SMCHD1: variants seen among roughly 807,000 people sequenced by gnomAD.
SMCHD1 encodes structural maintenance of chromosomes flexible hinge domain containing 1, also known as structural maintenance of chromosomes flexible hinge domain-containing protein 1.
A neutral mutation model predicts 254.7 loss-of-function variants in SMCHD1; 78 were observed. The ratio of observed to expected loss-of-function variants is 0.31; its 90% confidence interval spans 0.26 to 0.37. SMCHD1 has a LOEUF of 0.37. Among genes scored for constraint, SMCHD1 ranks in the 10% least tolerant of loss-of-function variants. The pLI is 1.00. For missense variants in SMCHD1, 1,840 were observed against 2,408.1 expected, an observed-to-expected ratio of 0.76 and a Z score of 4.94; for synonymous variants, 766 against 794.9, an observed-to-expected ratio of 0.96 and a Z score of 0.61.
chr18:2,764,265 CCTTCCAGAGTTTCGGCATATACACTAA>C (rs1403571209), intron 37 of SMCHD1, among the ~76,000 whole-genome samples: 1 of 152,102 alleles, frequency 6.6e-6, no homozygotes, highest in African/African-American at 2.4e-5. Context: ...CTTAGTATTA[CCTTCCAGAGTTTCGGCATATACACTAA>C]TGCTGCCTGC....
chr18:2,698,996 C>T (rs1422316097), intron 10 of SMCHD1, among the ~76,000 whole-genome samples: 1 of 152,172 alleles, frequency 6.6e-6, no homozygotes, highest in East Asian at 1.9e-4. Flanking sequence ...TTTGTACATT[C>T]ACTTGAAGTA....
intron 37 of SMCHD1, chr18:2,764,002 C>T (rs2075828316): frequency 4.5e-6 from 2 of 443,432 alleles, no homozygotes; most frequent in Non-Finnish European, 3.9e-6. Flanking sequence ...GGGATAACAG[C>T]TTTCTCTGAT....
Position 2,751,408 on chromosome 18 carries a change from G to C in SMCHD1, c.4281+15G>C. ...CCCCAGCAAATGTGAGTCATGGGAA[G>C]CATTTTTTGAAGTTAAAAATAGTTC... On this transcript the variant is annotated intron_variant, in intron 33 of 47. Transcript: ENST00000320876. 1 of 1,463,072 alleles carries C rather than the reference G, an allele frequency of 6.8e-7. No individual in the cohort carries two copies. The highest frequency in any genetic ancestry group is 9.3e-7 in the Non-Finnish European group (1 of 1,080,278). 90.6% of individuals were successfully genotyped at this position (1,463,072 alleles called of 1,614,324 possible).
At position 2,707,799 on chromosome 18, in the gene SMCHD1, A is replaced by T; in HGVS notation, c.2147-8A>T. 6.3e-7 allele frequency: 1 copy of T among 1,585,360 alleles called. No individual in the cohort carries two copies. The highest frequency in any genetic ancestry group is 8.6e-7 in the Non-Finnish European group (1 of 1,168,160). ...GTAATTAAGATACTTTTAATTTTTG[A>T]CTCATAGGTGCGTTAAGAATTGAAA... On this transcript the variant is annotated splice_region_variant and splice_polypyrimidine_tract_variant and intron_variant, in intron 16 of 47. Transcript: ENST00000320876.
intron 42 of SMCHD1, 26 bp from the exon 43 acceptor site, chr18:2,777,780 T>G (rs1287380512): frequency 7.7e-7 from 1 of 1,295,630 alleles, no homozygotes; most frequent in Non-Finnish European, 1.1e-6. Flanking sequence ...TGCTTTAATA[T>G]CTTTTTAAAA....
intron 5 of SMCHD1, among the ~76,000 whole-genome samples, chr18:2,682,382 A>C (rs1212851644): frequency 6.7e-6 from 1 of 148,468 alleles, no homozygotes; most frequent in African/African-American, 2.5e-5. Context: ...GCTGGAGTGC[A>C]GTGGCGTGAT....
At chr18:2,775,612 A>C (rs1360905148) in intron 41 of SMCHD1, 122 bp from the exon 42 acceptor site, 1 of 654,446 alleles carries the variant, frequency 1.5e-6, no homozygotes, top group African/African-American at 1.9e-5. Context: ...ACAACTTGAC[A>C]GTTTATTTTT....
intron 19 of SMCHD1, among the ~76,000 whole-genome samples, chr18:2,720,598 T>A (rs1171297869): frequency 1.3e-5 from 2 of 152,156 alleles, no homozygotes; most frequent in Non-Finnish European, 2.9e-5. Context: ...TTCCCCGGAG[T>A]GGAGCCTTTC....
At chr18:2,666,841 G>A (rs2143805023) in intron 2 of SMCHD1, 29 bp from the exon 3 acceptor site, 6 of 1,583,372 alleles carry the variant, frequency 3.8e-6, no homozygotes, top group Non-Finnish European at 4.3e-6. Flanking sequence ...TGCTGACCTA[G>A]CACTTATGAT....
chr18:2,798,571 GTTC>G (rs1294376912), intron 47 of SMCHD1, among the ~76,000 whole-genome samples: 1 of 152,116 alleles, frequency 6.6e-6, no homozygotes, highest in Non-Finnish European at 1.5e-5. Context: ...GTTACAGAAA[GTTC>G]TTCTTTGTAA....
At chr18:2,684,732 T>TGTGTGTGTGTGTGA (rs534087695) in intron 5 of SMCHD1, among the ~76,000 whole-genome samples, 4 of 151,130 alleles carry the variant, frequency 2.6e-5, no homozygotes, top group East Asian at 3.9e-4. Context: ...TGTGTGTGTG[T>TGTGTGTGTGTGTGA]GATTCCATTT....
chr18:2,756,836 C>T (rs2075690193), intron 34 of SMCHD1, among the ~76,000 whole-genome samples: 1 of 152,106 alleles, frequency 6.6e-6, no homozygotes, highest in Non-Finnish European at 1.5e-5. Flanking sequence ...TCTAAATTTT[C>T]AAATTTGTTG....
At chr18:2,769,358 CA>C (rs1398319679) in intron 37 of SMCHD1, among the ~76,000 whole-genome samples, 2 of 152,126 alleles carry the variant, frequency 1.3e-5, no homozygotes, top group African/African-American at 4.8e-5. Flanking sequence ...AGGTTAGAAT[CA>C]AGAAGATTTT....
intron 32 of SMCHD1, 115 bp downstream of exon 32, chr18:2,750,622 G>A: frequency 2.6e-6 from 2 of 773,972 alleles, no homozygotes; most frequent in Non-Finnish European, 3.9e-6. Flanking sequence ...AGACAGGGAA[G>A]CAAATGATTT....
chr18:2,671,369 G>C (rs1003414617), intron 3 of SMCHD1, among the ~76,000 whole-genome samples: 1 of 152,074 alleles, frequency 6.6e-6, no homozygotes, highest in Non-Finnish European at 1.5e-5. Context: ...ATTATGAAAT[G>C]ATATGAAAAC....
At chr18:2,764,073 C>A (rs1436143802) in intron 37 of SMCHD1, 3 of 235,126 alleles carry the variant, frequency 1.3e-5, no homozygotes, top group Admixed American at 5.9e-5. Context: ...GAAAAGCTGC[C>A]GTTATGTGGA....
chr18:2,685,131 G>A (rs1409531761), intron 5 of SMCHD1, among the ~76,000 whole-genome samples: 2 of 91,608 alleles, frequency 2.2e-5, no homozygotes, highest in East Asian at 3.8e-4. Context: ...GACGAGTCTC[G>A]TTCTTTTGCC....
At chr18:2,789,515 C>CTT (rs1555657062) in intron 45 of SMCHD1, among the ~76,000 whole-genome samples, 2 of 152,078 alleles carry the variant, frequency 1.3e-5, no homozygotes, top group African/African-American at 2.4e-5. Flanking sequence ...AGAGAGTAGA[C>CTT]CTGTTTTTTT....
Position 2,743,943 on chromosome 18 carries a change from G to A in SMCHD1, c.3801+15G>A. The A allele has an allele frequency of 1.3e-6, 2 of 1,576,148 alleles. No homozygotes were observed. Among genetic ancestry groups the A allele is most frequent in the African/African-American group, 1.4e-5 (1 of 73,372 alleles). On this transcript the variant is annotated intron_variant, in intron 29 of 47. Transcript: ENST00000320876. ...AACTAAAGGAGGTAAGTCACTTCAT[G>A]TCTTCACTGAAAGAATTTAATATCA...
Sources: gnomAD v4.1 joint callset for allele counts (sites outside exome capture counted in the v4.1 genomes callset) on GRCh38, gnomAD v4.1.1 for gene constraint, MANE v1.5 for transcripts, NCBI Gene and HGNC (gene_info 2026-07-23, HGNC 2026-07-21) for gene names.